The following ANKRD45 variants were observed in gnomAD, a reference collection of about 807,000 sequenced individuals.
ANKRD45 encodes ankyrin repeat domain 45.
In ANKRD45, 21 loss-of-function variants were observed where a neutral mutation model predicts 28.1. The observed-to-expected ratio is 0.75, with a 90% CI of 0.53 to 1.08. The LOEUF is 1.08. ANKRD45 is among the 50% of genes least tolerant of loss of function. The pLI is 0.00. For missense variants in ANKRD45, 261 were observed against 308.7 expected (o/e 0.85, Z 1.16); for synonymous variants, 86 against 103.9 (o/e 0.83, Z 1.05).
chr1:173,694,534 TTTATTATTATTATTA>T, the ANKRD45 span, among the ~76,000 whole-genome samples: 381 of 144,100 alleles, frequency 2.6e-3, 2 homozygotes, highest in African/African-American at 7.9e-3. Context: ...ACTTAAGAAG[TTTATTATTATTATTA>T]TTATTATTAT....
chr1:173,703,621 TA>T, the ANKRD45 span, among the ~76,000 whole-genome samples: 5 of 152,258 alleles, frequency 3.3e-5, no homozygotes, highest in African/African-American at 1.2e-4. Flanking sequence ...TGTGTCTATG[TA>T]AATTCTAACC....
chr1:173,659,643 A>C (rs1022055611), intron 1 of ANKRD45, among the ~76,000 whole-genome samples: 12 of 152,222 alleles, frequency 7.9e-5, no homozygotes, highest in Non-Finnish European at 4.4e-5. Flanking sequence ...GCTCAAGTAT[A>C]TACTAAAATG....
rs1176631341 is a variant in ANKRD45 at position 173,663,091 on chromosome 1, A to ACACACC, written c.-15-3659_-15-3658insGGTGTG. On this transcript the variant is annotated intron_variant, in intron 1 of 5. Transcript: ENST00000333279. ...CACACACACACACACACACACACACACCTTCTTTAAAGCACTCCTATCTCA... is the reference window on the plus strand; with the variant it reads ...CACACACACACACACACACACACACACACACCCCTTCTTTAAAGCACTCCTATCTCA... Among the ~76,000 whole-genome samples the ACACACC allele has an allele frequency of 1.8e-3, 268 of 146,248 alleles. 1 individual carries two copies. The highest frequency in any genetic ancestry group is 6.6e-3 in the African/African-American group (259 of 39,186).
intron 3 of ANKRD45, among the ~76,000 whole-genome samples, chr1:173,644,993 CA>C (rs34936839): frequency 0.78 from 102,693 of 131,362 alleles, 41,338 homozygotes; most frequent in East Asian, 0.99. Flanking sequence ...AACTCCATCT[CA>C]AAAAAAAAAA....
chr1:173,611,903 A>C (rs1211139372), intron 5 of ANKRD45, among the ~76,000 whole-genome samples: 1 of 152,146 alleles, frequency 6.6e-6, no homozygotes, highest in Non-Finnish European at 1.5e-5. Flanking sequence ...TGTATCAAGA[A>C]TACATAAAGA....
At chr1:173,638,687 G>A (rs543833903) in intron 3 of ANKRD45, among the ~76,000 whole-genome samples, 4 of 152,254 alleles carry the variant, frequency 2.6e-5, no homozygotes, top group East Asian at 1.9e-4. Flanking sequence ...CTGTAAGCAC[G>A]CCCCACCAAG....
intron 3 of ANKRD45, chr1:173,636,798 T>TA (rs1668464733): frequency 6.8e-7 from 1 of 1,472,358 alleles, no homozygotes; most frequent in South Asian, 1.2e-5. Flanking sequence ...TTTATGTAGA[T>TA]AAAATCTGTA....
chr1:173,652,617 A>G (rs1351433622), intron 2 of ANKRD45, among the ~76,000 whole-genome samples: 1 of 152,208 alleles, frequency 6.6e-6, no homozygotes, highest in Non-Finnish European at 1.5e-5. Context: ...TCATAAAATG[A>G]GTTAGGGAGG....
intron 3 of ANKRD45, among the ~76,000 whole-genome samples, chr1:173,636,373 C>A (rs903346333): frequency 2.6e-5 from 4 of 152,088 alleles, no homozygotes; most frequent in Non-Finnish European, 4.4e-5. Flanking sequence ...TAGATGACAC[C>A]ATAGTTTGAG....
intron 2 of ANKRD45, chr1:173,658,451 T>C (rs1222349075): frequency 6.6e-6 from 1 of 152,266 alleles, no homozygotes; most frequent in African/African-American, 2.4e-5. Context: ...ATGCTATAGA[T>C]ACTTTGATAG....
intron 3 of ANKRD45, among the ~76,000 whole-genome samples, chr1:173,645,062 G>A (rs1668865950): frequency 6.6e-6 from 1 of 151,652 alleles, no homozygotes; most frequent in African/African-American, 2.4e-5. Flanking sequence ...GGAATCAATT[G>A]AATTATTTGC....
chr1:173,701,654 C>CA, the ANKRD45 span, among the ~76,000 whole-genome samples: 14 of 152,108 alleles, frequency 9.2e-5, no homozygotes, highest in African/African-American at 3.4e-4. Context: ...GTACACCACA[C>CA]ACCGGGGCCT....
At chr1:173,667,962 T>C (rs1348241137) in intron 1 of ANKRD45, among the ~76,000 whole-genome samples, 2 of 152,228 alleles carry the variant, frequency 1.3e-5, no homozygotes, top group Non-Finnish European at 2.9e-5. Flanking sequence ...AATGCCACTT[T>C]CTAACTAATT....
chr1:173,705,326 T>C, the ANKRD45 span, among the ~76,000 whole-genome samples: 2 of 151,684 alleles, frequency 1.3e-5, no homozygotes, highest in East Asian at 3.9e-4. Flanking sequence ...TGCCTTTTAG[T>C]AAAATAAAAA....
chr1:173,618,819 C>G (rs911806671), intron 5 of ANKRD45, among the ~76,000 whole-genome samples: 3 of 151,992 alleles, frequency 2.0e-5, no homozygotes, highest in Non-Finnish European at 4.4e-5. Context: ...GAAGATCAAC[C>G]CCAAGACACA....
intron 5 of ANKRD45, among the ~76,000 whole-genome samples, chr1:173,613,763 G>T (rs1667337472): frequency 6.6e-6 from 1 of 152,248 alleles, no homozygotes; most frequent in Non-Finnish European, 1.5e-5. Context: ...CCCCGTCTGG[G>T]AGGTGTACCC....
the ANKRD45 span, among the ~76,000 whole-genome samples, chr1:173,705,379 GA>G: frequency 6.6e-6 from 1 of 150,770 alleles, no homozygotes; most frequent in South Asian, 2.1e-4. Context: ...AATAAAAATA[GA>G]CGGCCGAGCA....
At chr1:173,680,853 C>G in the ANKRD45 span, among the ~76,000 whole-genome samples, 1 of 151,542 alleles carries the variant, frequency 6.6e-6, no homozygotes, top group Non-Finnish European at 1.5e-5. Flanking sequence ...TCATTCTCAG[C>G]TAACACAAAA....
the ANKRD45 span, among the ~76,000 whole-genome samples, chr1:173,710,058 C>T: frequency 2.0e-5 from 3 of 152,118 alleles, no homozygotes; most frequent in Admixed American, 6.6e-5. Context: ...GGTGTGGTGG[C>T]TTATGTCTCT....
Sources: gnomAD v4.1 joint callset for allele counts (sites outside exome capture counted in the v4.1 genomes callset) on GRCh38, gnomAD v4.1.1 for gene constraint, MANE v1.5 for transcripts, NCBI Gene and HGNC (gene_info 2026-07-23, HGNC 2026-07-21) for gene names.